Variants in NOL4 observed in about 807,000 individuals in gnomAD.
The protein encoded by NOL4 is cancer/testis antigen 125.
NOL4 carries 17 observed loss-of-function variants against 75.9 expected under a neutral mutation model. That is an observed-to-expected ratio of 0.22 (90% CI 0.15 to 0.34). The LOEUF is 0.34. Ranked by LOEUF, NOL4 falls within the 10% of genes least tolerant of loss-of-function variation. The probability of loss-of-function intolerance (pLI) is 1.00; values close to 1 mark genes in which losing one functional copy is unlikely to be tolerated. For missense variants in NOL4, 614 were observed against 793.5 expected, an observed-to-expected ratio of 0.77 and a Z score of 2.72; for synonymous variants, 292 against 289.9, an observed-to-expected ratio of 1.01 and a Z score of -0.07.
intron 4 of NOL4, among the ~76,000 whole-genome samples, chr18:34,103,067 G>A (rs1034581190): frequency 2.0e-5 from 3 of 151,954 alleles, no homozygotes; most frequent in African/African-American, 7.2e-5. Flanking sequence ...AACTTGATTT[G>A]AGTTTTATGA....
intron 1 of NOL4, among the ~76,000 whole-genome samples, chr18:34,219,682 T>C (rs2037161801): frequency 6.6e-6 from 1 of 152,272 alleles, no homozygotes; most frequent in Non-Finnish European, 1.5e-5. Flanking sequence ...CTGTTTTAAG[T>C]CATTCATCAT....
chr18:33,909,473 CTG>C (rs1453387390), intron 9 of NOL4, among the ~76,000 whole-genome samples: 2 of 152,142 alleles, frequency 1.3e-5, no homozygotes, highest in East Asian at 1.9e-4. Context: ...ATATCCGAAA[CTG>C]TGCACTTTAA....
At chr18:34,147,336 A>T (rs1299577462) in intron 1 of NOL4, among the ~76,000 whole-genome samples, 1 of 152,118 alleles carries the variant, frequency 6.6e-6, no homozygotes, top group Non-Finnish European at 1.5e-5. Context: ...CCCATTCAGT[A>T]TGATATTGGT....
At chr18:33,983,935 A>T (rs915978945) in intron 6 of NOL4, among the ~76,000 whole-genome samples, 10 of 152,126 alleles carry the variant, frequency 6.6e-5, no homozygotes, top group Non-Finnish European at 1.2e-4. Flanking sequence ...TAAAAATCTA[A>T]TGCCTAATTT....
At chr18:34,130,216 A>G (rs886600546) in intron 1 of NOL4, among the ~76,000 whole-genome samples, 196 bp from the exon 2 acceptor site, 4 of 152,068 alleles carry the variant, frequency 2.6e-5, no homozygotes, top group Non-Finnish European at 4.4e-5. Flanking sequence ...ACATGAGAGA[A>G]GACATTTGGC....
rs1027748814 is a variant in NOL4, at chr18:33,968,705, A to G, written c.1057-10287T>C. On this transcript the variant is annotated intron_variant, in intron 6 of 10. Coordinates refer to ENST00000261592, the MANE Select transcript of NOL4 (RefSeq NM_003787.5). ...GCTCACTACCTGTGTGAGGGGATCA[A>G]TCATACCCCAAACTTTAGCATCATG... is the stretch of plus-strand genomic sequence containing the variant. Among the ~76,000 whole-genome samples, 10 of 152,184 alleles carry G rather than the reference A, an allele frequency of 6.6e-5. No homozygotes were observed. The East Asian group carries it at 1.7e-3, about 26-fold the overall frequency.
intron 2 of NOL4, chr18:34,121,221 C>T (rs1369592458): frequency 6.6e-6 from 1 of 152,146 alleles, no homozygotes; most frequent in Non-Finnish European, 1.5e-5. Context: ...CATTAAAAGA[C>T]ACAAGTACTT....
chr18:33,940,745 AT>A (rs1018703394), intron 9 of NOL4, among the ~76,000 whole-genome samples: 2 of 151,926 alleles, frequency 1.3e-5, no homozygotes, highest in South Asian at 2.1e-4. Flanking sequence ...AGAAAACAGT[AT>A]TTTTTTGTGT....
At chr18:33,946,320 T>C (rs2068833628) in intron 8 of NOL4, among the ~76,000 whole-genome samples, 2 of 151,848 alleles carry the variant, frequency 1.3e-5, no homozygotes, top group South Asian at 2.1e-4. Context: ...TATTGAGTGC[T>C]TAGGACATTC....
intron 10 of NOL4, among the ~76,000 whole-genome samples, chr18:33,882,921 T>C (rs1457361427): frequency 2.0e-5 from 3 of 151,300 alleles, no homozygotes; most frequent in African/African-American, 4.9e-5. Flanking sequence ...ATGGATGAAA[T>C]TGGAAAACAT....
At chr18:34,215,998 A>C (rs907987188) in intron 1 of NOL4, among the ~76,000 whole-genome samples, 1 of 152,166 alleles carries the variant, frequency 6.6e-6, no homozygotes, top group African/African-American at 2.4e-5. Context: ...ATATATTTCC[A>C]AAAATTTTCC....
chr18:34,208,731 G>A (rs909489412), intron 1 of NOL4, among the ~76,000 whole-genome samples: 8 of 151,922 alleles, frequency 5.3e-5, no homozygotes, highest in Admixed American at 1.3e-4. Flanking sequence ...GCATGGTGGC[G>A]CATGCCTGTA....
intron 1 of NOL4, among the ~76,000 whole-genome samples, chr18:34,150,352 C>A (rs935809259): frequency 6.6e-6 from 1 of 151,604 alleles, no homozygotes; most frequent in Non-Finnish European, 1.5e-5. Flanking sequence ...TACTATAAAG[C>A]TGTGGTAATC....
chr18:34,222,517 A>T, intron 1 of NOL4: 1 of 902,434 alleles, frequency 1.1e-6, no homozygotes, highest in African/African-American at 1.8e-5. Flanking sequence ...CTAGCGCTAC[A>T]TTCGGGCTTT....
intron 1 of NOL4, among the ~76,000 whole-genome samples, chr18:34,205,814 G>A (rs138576656): frequency 1.3e-5 from 2 of 152,124 alleles, no homozygotes; most frequent in East Asian, 1.9e-4. Flanking sequence ...CCCAGGCAAA[G>A]GGATACCTCA....
intron 1 of NOL4, among the ~76,000 whole-genome samples, chr18:34,177,697 G>A (rs1448975555): frequency 1.3e-5 from 2 of 151,794 alleles, no homozygotes; most frequent in East Asian, 3.9e-4. Context: ...CGTCATGGAA[G>A]CCAGAATGTA....
At chr18:33,869,574 C>T (rs962647056) in intron 10 of NOL4, among the ~76,000 whole-genome samples, 2 of 151,892 alleles carry the variant, frequency 1.3e-5, no homozygotes, top group African/African-American at 2.4e-5. Context: ...CTAAACTAAA[C>T]CAAAGGTCAG....
At chr18:34,181,995 T>C (rs1405505429) in intron 1 of NOL4, among the ~76,000 whole-genome samples, 5 of 151,746 alleles carry the variant, frequency 3.3e-5, no homozygotes, top group African/African-American at 1.2e-4. Context: ...GAAAAGAGTC[T>C]GGCAGTTCTC....
At chr18:34,052,804 G>T (rs371594916) in intron 5 of NOL4, among the ~76,000 whole-genome samples, 1 of 151,970 alleles carries the variant, frequency 6.6e-6, no homozygotes, top group Non-Finnish European at 1.5e-5. Context: ...GGTACAGGGA[G>T]GTAGGCTTAT....
Sources: allele counts gnomAD v4.1 joint callset (sites outside exome capture counted in the v4.1 genomes callset), GRCh38; gene constraint gnomAD v4.1.1; transcripts MANE v1.5; gene names NCBI Gene and HGNC (gene_info 2026-07-23, HGNC 2026-07-21).